Variants in SUPT3H observed in about 807,000 individuals in gnomAD.
SUPT3H encodes transcription initiation protein SPT3 homolog.
In SUPT3H, 44 loss-of-function variants were observed where a neutral mutation model predicts 44.3. The ratio of observed to expected loss-of-function variants is 0.99; its 90% CI spans 0.78 to 1.28. SUPT3H has a LOEUF of 1.28. Ranked by LOEUF, SUPT3H falls within the 50% of genes most tolerant of loss-of-function variation. The pLI is 0.00. For missense variants in SUPT3H, 380 were observed against 387.1 expected, an observed-to-expected ratio of 0.98 and a Z score of 0.15; for synonymous variants, 124 against 125.6, an observed-to-expected ratio of 0.99 and a Z score of 0.09.
chr6:45,174,537 T>C (rs1584018252), intron 2 of SUPT3H, among the ~76,000 whole-genome samples: 1 of 152,066 alleles, frequency 6.6e-6, no homozygotes, highest in Non-Finnish European at 1.5e-5. Context: ...AAGAGAAAAA[T>C]TGGGCAACAG....
rs144451895 is a variant in SUPT3H at position 45,161,645 on chromosome 6, C to A, written c.102-55639G>T. ...TGAATAGTGTCTTATTTGACTTTGACCCTCCCTCCATACCGTAAAGCTGCT... is the reference window on the plus strand; with the variant it reads ...TGAATAGTGTCTTATTTGACTTTGAACCTCCCTCCATACCGTAAAGCTGCT... On this transcript the variant is annotated intron_variant, in intron 2 of 10. Transcript: ENST00000371459. 9.9e-5 allele frequency among the ~76,000 whole-genome samples: 15 copies of A among 152,082 alleles called. 1 individual carries two copies. The East Asian group carries it at 2.9e-3, about 29-fold the overall frequency.
Position 44,891,181 on chromosome 6 carries a change from A to C in SUPT3H, c.912+41472T>G, listed in dbSNP as rs769198979. ...GTCAAAAAAAGAAATAAAAAATAAA[A>C]TGGTACAGCTGCTGTGGAAAACAGT... On this transcript the variant is annotated intron_variant, in intron 10 of 10. Coordinates refer to ENST00000371459, the MANE Select transcript of SUPT3H (RefSeq NM_003599.4). 6.6e-5 allele frequency among the ~76,000 whole-genome samples: 10 copies of C among 152,260 alleles called. No homozygotes were observed. In the Middle Eastern group the frequency reaches 0.02, roughly 311 times the overall value.
At chr6:45,222,225 C>G (rs1332452592) in intron 2 of SUPT3H, among the ~76,000 whole-genome samples, 1 of 151,918 alleles carries the variant, frequency 6.6e-6, no homozygotes, top group African/African-American at 2.4e-5. Flanking sequence ...AAAGCAAGAT[C>G]CCTAACATTA....
At chr6:45,037,711 T>A (rs1409626765) in intron 3 of SUPT3H, among the ~76,000 whole-genome samples, 3 of 149,170 alleles carry the variant, frequency 2.0e-5, no homozygotes, top group African/African-American at 7.4e-5. Flanking sequence ...AAGAAATATA[T>A]GAGAATTTAA....
At chr6:44,889,004 C>T (rs534516240) in intron 10 of SUPT3H, among the ~76,000 whole-genome samples, 2 of 143,638 alleles carry the variant, frequency 1.4e-5, no homozygotes, top group South Asian at 2.5e-4. Context: ...CATGAGTGAA[C>T]TCCCATGCAC....
At chr6:45,113,738 G>A (rs746550340) in intron 2 of SUPT3H, among the ~76,000 whole-genome samples, 1 of 151,126 alleles carries the variant, frequency 6.6e-6, no homozygotes. Context: ...GTTGAGGCAG[G>A]AGAGTCGCCT....
At chr6:44,869,642 T>A (rs1776048913) in intron 10 of SUPT3H, among the ~76,000 whole-genome samples, 1 of 152,168 alleles carries the variant, frequency 6.6e-6, no homozygotes, top group Admixed American at 6.5e-5. Flanking sequence ...CACCCATGAA[T>A]CAGAAAGCTC....
intron 1 of SUPT3H, among the ~76,000 whole-genome samples, chr6:45,370,431 C>T (rs1446127055): frequency 6.6e-6 from 1 of 151,684 alleles, no homozygotes; most frequent in Non-Finnish European, 1.5e-5. Context: ...AAGTTTGAGA[C>T]AACTATTAGA....
At chr6:45,037,976 G>T (rs1276520325) in intron 3 of SUPT3H, among the ~76,000 whole-genome samples, 2 of 151,980 alleles carry the variant, frequency 1.3e-5, no homozygotes, top group Admixed American at 6.6e-5. Context: ...AAGTTTAAAG[G>T]ATAGGTTTAA....
At chr6:45,092,595 C>A (rs952753115) in intron 3 of SUPT3H, among the ~76,000 whole-genome samples, 1 of 151,714 alleles carries the variant, frequency 6.6e-6, no homozygotes, top group Non-Finnish European at 1.5e-5. Context: ...ACTAAAAATA[C>A]AAAAACTAGC....
At chr6:45,346,785 T>C (rs1031864918) in intron 2 of SUPT3H, among the ~76,000 whole-genome samples, 1 of 152,102 alleles carries the variant, frequency 6.6e-6, no homozygotes, top group Non-Finnish European at 1.5e-5. Context: ...CAGGCTGGTC[T>C]CAAACTTGAC....
chr6:44,915,524 T>C (rs1767677983), intron 10 of SUPT3H, among the ~76,000 whole-genome samples: 1 of 152,168 alleles, frequency 6.6e-6, no homozygotes, highest in African/African-American at 2.4e-5. Context: ...AAAGACTAGT[T>C]CATGCCATGA....
chr6:45,142,651 G>A (rs1056409547), intron 2 of SUPT3H, among the ~76,000 whole-genome samples: 14 of 140,716 alleles, frequency 9.9e-5, no homozygotes, highest in African/African-American at 2.9e-4. Flanking sequence ...CAGGAGAATC[G>A]CTTGATCCTG....
intron 10 of SUPT3H, among the ~76,000 whole-genome samples, chr6:44,886,236 G>A (rs1561962696): frequency 1.3e-5 from 2 of 152,018 alleles, no homozygotes; most frequent in Non-Finnish European, 2.9e-5. Context: ...AGCAAGGCAG[G>A]CCAACGTTCA....
At chr6:45,048,252 A>G (rs920063038) in intron 3 of SUPT3H, among the ~76,000 whole-genome samples, 2 of 89,556 alleles carry the variant, frequency 2.2e-5, no homozygotes, top group Non-Finnish European at 4.2e-5. Context: ...TTTTTGGCAG[A>G]GGCTTTTTAG....
Position 44,963,858 on chromosome 6 carries a change from G to C in SUPT3H, c.505-2030C>G, listed in dbSNP as rs147163635. On this transcript the variant is annotated intron_variant, in intron 6 of 10. Transcript: ENST00000371459. ...ACTAAAAATATAAAATATTAGCCGG[G>C]TGTGGTTGCATGCGGCTGTAGTCCC... 2.1e-3 allele frequency among the ~76,000 whole-genome samples: 326 copies of C among 151,844 alleles called. 1 individual carries two copies. Among genetic ancestry groups the C allele is most frequent in the African/African-American group, 7.5e-3 (312 of 41,398 alleles).
chr6:45,105,507 A>G (rs1277993576), intron 3 of SUPT3H, among the ~76,000 whole-genome samples: 1 of 152,194 alleles, frequency 6.6e-6, no homozygotes. Context: ...TGTTTACACT[A>G]TACTATAGTC....
At chr6:45,023,889 A>T (rs901647096) in intron 3 of SUPT3H, among the ~76,000 whole-genome samples, 14 of 152,112 alleles carry the variant, frequency 9.2e-5, no homozygotes, top group African/African-American at 3.4e-4. Context: ...CTTCACATGT[A>T]CCCCTGAACC....
At chr6:45,044,974 T>C (rs1373609551) in intron 3 of SUPT3H, among the ~76,000 whole-genome samples, 2 of 152,142 alleles carry the variant, frequency 1.3e-5, no homozygotes, top group Admixed American at 6.5e-5. Context: ...ATCTCTAAGG[T>C]AGCAGTTCTC....
Sources: gnomAD v4.1 joint callset for allele counts (sites outside exome capture counted in the v4.1 genomes callset) on GRCh38, gnomAD v4.1.1 for gene constraint, MANE v1.5 for transcripts, NCBI Gene and HGNC (gene_info 2026-07-23, HGNC 2026-07-21) for gene names.